ZDHHC2: variants seen among roughly 807,000 people sequenced by gnomAD.
The protein encoded by ZDHHC2 is palmitoyltransferase ZDHHC2.
A neutral mutation model predicts 55.6 loss-of-function variants in ZDHHC2; 51 were observed. The observed-to-expected ratio is 0.92, with a 90% CI of 0.73 to 1.16. ZDHHC2 has a LOEUF of 1.16. Ranked by LOEUF, ZDHHC2 falls within the 50% of genes most tolerant of loss-of-function variation. The pLI, the probability that ZDHHC2 is intolerant of heterozygous loss-of-function variation, is 0.00. For synonymous variants in ZDHHC2, 199 were observed against 152.9 expected (o/e 1.30, Z -2.22); for missense variants, 491 against 442.4 (o/e 1.11, Z -0.99).
At chr8:17,215,408 G>A (rs1240322675) in intron 11 of ZDHHC2, 59 bp downstream of exon 11, 16 of 1,397,560 alleles carry the variant, frequency 1.1e-5, no homozygotes, top group Non-Finnish European at 1.5e-5. Context: ...AGGTAAACGT[G>A]GTTAAAAAAA....
chr8:17,181,177 G>A (rs1376673449), intron 1 of ZDHHC2, among the ~76,000 whole-genome samples: 1 of 152,104 alleles, frequency 6.6e-6, no homozygotes, highest in African/African-American at 2.4e-5. Context: ...CTTCTCATAT[G>A]TCCGCTTTGA....
chr8:17,209,786 G>A, intron 8 of ZDHHC2, 146 bp from the exon 9 acceptor site: 1 of 817,746 alleles, frequency 1.2e-6, no homozygotes. Flanking sequence ...CTATATTTCA[G>A]GGCTGTTGAC....
chr8:17,178,138 T>A (rs1046496241), intron 1 of ZDHHC2, among the ~76,000 whole-genome samples: 1 of 152,086 alleles, frequency 6.6e-6, no homozygotes, highest in Non-Finnish European at 1.5e-5. Flanking sequence ...TGGATATATT[T>A]ATGACTAAAA....
intron 1 of ZDHHC2, among the ~76,000 whole-genome samples, chr8:17,161,944 T>C (rs1390663535): frequency 6.6e-6 from 1 of 152,228 alleles, no homozygotes; most frequent in Non-Finnish European, 1.5e-5. Context: ...CTTGATATTG[T>C]TGAATATTTT....
intron 1 of ZDHHC2, among the ~76,000 whole-genome samples, chr8:17,160,261 C>T (rs1446423061): frequency 2.0e-5 from 3 of 152,236 alleles, no homozygotes; most frequent in Non-Finnish European, 4.4e-5. Flanking sequence ...GAAACTTCCA[C>T]ATACACTTGT....
intron 1 of ZDHHC2, among the ~76,000 whole-genome samples, chr8:17,180,945 T>G (rs1186128785): frequency 6.6e-6 from 1 of 152,206 alleles, no homozygotes; most frequent in Non-Finnish European, 1.5e-5. Flanking sequence ...GAAGCCCAGT[T>G]GAAGCCAGTA....
At chr8:17,201,481 CTTTTTTTTTTT>C (rs1171396792) in intron 6 of ZDHHC2, among the ~76,000 whole-genome samples, 5 of 24,310 alleles carry the variant, frequency 2.1e-4, no homozygotes, top group Admixed American at 1.4e-3. Context: ...CTCTCTCTCT[CTTTTTTTTTTT>C]TTTTTTTTTT....
chr8:17,210,901 A>AC (rs555656159), intron 10 of ZDHHC2, among the ~76,000 whole-genome samples: 289 of 152,094 alleles, frequency 1.9e-3, no homozygotes, highest in Non-Finnish European at 3.1e-3. Context: ...GATCAAATGG[A>AC]CCCCCAGACA....
intron 4 of ZDHHC2, 32 bp from the exon 5 acceptor site, chr8:17,197,550 C>T (rs1375473778): frequency 1.3e-6 from 2 of 1,596,564 alleles, no homozygotes; most frequent in Admixed American, 1.7e-5. Context: ...TCAGTGTTAA[C>T]TCTAAGACTA....
intron 1 of ZDHHC2, among the ~76,000 whole-genome samples, chr8:17,158,246 C>T (rs948882531): frequency 2.6e-5 from 4 of 152,148 alleles, no homozygotes; most frequent in Non-Finnish European, 5.9e-5. Context: ...CTTAAAATAG[C>T]TTGCCTTATT....
rs1457911936 is a variant in ZDHHC2, at chr8:17,156,863, C to A, written c.130+10C>A. The stretch of plus-strand genomic sequence containing the variant: ...ATCCAGCTGTGCATAGGTGAGTGCG[C>A]CCCCCGCCGCGGCGCCCCCAGCGCA... On this transcript the variant is annotated intron_variant, in intron 1 of 12. Transcript: ENST00000262096. 3 of 1,487,866 alleles carry A rather than the reference C, an allele frequency of 2.0e-6. No homozygotes were observed. The highest frequency in any genetic ancestry group is 2.7e-6 in the Non-Finnish European group (3 of 1,117,946). The allele number at this position is 1,487,866 out of a possible 1,614,324, so 92.2% of individuals were successfully genotyped here.
chr8:17,215,879 T>C (rs1287746576), intron 11 of ZDHHC2, among the ~76,000 whole-genome samples: 1 of 152,206 alleles, frequency 6.6e-6, no homozygotes, highest in Admixed American at 6.5e-5. Flanking sequence ...CAGTGTAGTT[T>C]GTTAGCAAGG....
intron 10 of ZDHHC2, among the ~76,000 whole-genome samples, chr8:17,214,504 C>A (rs1807546906): frequency 6.6e-6 from 1 of 152,172 alleles, no homozygotes; most frequent in Non-Finnish European, 1.5e-5. Flanking sequence ...ATATCACTTA[C>A]AAAATTAATA....
intron 1 of ZDHHC2, among the ~76,000 whole-genome samples, chr8:17,184,040 T>A (rs969346802): frequency 8.5e-5 from 13 of 152,162 alleles, no homozygotes; most frequent in Non-Finnish European, 1.5e-4. Context: ...TCAGACTTGC[T>A]ACAGCTGAGA....
chr8:17,157,257 C>T (rs1209096375), intron 1 of ZDHHC2, among the ~76,000 whole-genome samples: 1 of 152,182 alleles, frequency 6.6e-6, no homozygotes, highest in Non-Finnish European at 1.5e-5. Context: ...GCCAGACCCG[C>T]GCGGGGGTGC....
At chr8:17,218,453 C>A (rs139270521) in intron 12 of ZDHHC2, among the ~76,000 whole-genome samples, 221 of 151,820 alleles carry the variant, frequency 1.5e-3, no homozygotes, top group African/African-American at 5.2e-3. Context: ...AAGGTCAGTG[C>A]TATTAGGAAT....
At chr8:17,183,610 A>G (rs1419931493) in intron 1 of ZDHHC2, among the ~76,000 whole-genome samples, 2 of 152,212 alleles carry the variant, frequency 1.3e-5, no homozygotes, top group Admixed American at 6.5e-5. Flanking sequence ...TGGAAACCAT[A>G]TATTAGTTGG....
At chr8:17,170,336 C>G (rs1804798327) in intron 1 of ZDHHC2, among the ~76,000 whole-genome samples, 1 of 152,268 alleles carries the variant, frequency 6.6e-6, no homozygotes, top group East Asian at 1.9e-4. Flanking sequence ...ACTGCTGGTG[C>G]TAGTGTTGGT....
Position 17,184,554 on chromosome 8 carries a change from C to T in ZDHHC2, c.131-235C>T, listed in dbSNP as rs1715255445. Among the ~76,000 whole-genome samples the T allele has an allele frequency of 2.0e-5, 3 of 152,354 alleles. No homozygotes were observed. The South Asian group carries it at 6.2e-4, about 32-fold the overall frequency. ...ACTTGACAAGTTTTGTTCCGCAGGACAGGAGCCAGGGCTGAAGTGCGCAAT... is the reference window on the plus strand; with the variant it reads ...ACTTGACAAGTTTTGTTCCGCAGGATAGGAGCCAGGGCTGAAGTGCGCAAT... On this transcript the variant is annotated intron_variant, in intron 1 of 12. Transcript: ENST00000262096.
Sources: allele counts gnomAD v4.1 joint callset (sites outside exome capture counted in the v4.1 genomes callset), GRCh38; gene constraint gnomAD v4.1.1; transcripts MANE v1.5; gene names NCBI Gene and HGNC (gene_info 2026-07-23, HGNC 2026-07-21).